Variants in LYST observed in about 807,000 individuals in gnomAD.
LYST encodes lysosomal-trafficking regulator.
Under a neutral mutation model 413.6 loss-of-function variants are expected in LYST, and 192 were observed. The observed-to-expected ratio is 0.46, with a 90% CI of 0.41 to 0.52. LYST has a LOEUF of 0.52. Ranked by LOEUF, LYST falls within the 20% of genes least tolerant of loss-of-function variation. The pLI is 0.00. For missense variants in LYST, 3,815 were observed against 4,499.9 expected, an observed-to-expected ratio of 0.85 and a Z score of 4.35; for synonymous variants, 1,525 against 1,567.3, an observed-to-expected ratio of 0.97 and a Z score of 0.64.
At chr1:235,862,382 A>G (rs1464013386) in intron 1 of LYST, among the ~76,000 whole-genome samples, 1 of 152,194 alleles carries the variant, frequency 6.6e-6, no homozygotes, top group African/African-American at 2.4e-5. Context: ...TCCAGAAATA[A>G]TTCATAATTT....
At chr1:235,696,619 T>G (rs1661122280) in intron 46 of LYST, among the ~76,000 whole-genome samples, 1 of 152,216 alleles carries the variant, frequency 6.6e-6, no homozygotes, top group South Asian at 2.1e-4. Context: ...ACATGTTGCT[T>G]TTAGTGAGTC....
At chr1:235,821,924 C>T (rs1674790024) in intron 3 of LYST, among the ~76,000 whole-genome samples, 1 of 152,196 alleles carries the variant, frequency 6.6e-6, no homozygotes, top group African/African-American at 2.4e-5. Flanking sequence ...TACACCCTAT[C>T]ACCTAGACAA....
At chr1:235,762,191 A>G (rs188108477) in intron 22 of LYST, among the ~76,000 whole-genome samples, 128 of 152,326 alleles carry the variant, frequency 8.4e-4, no homozygotes, top group African/African-American at 2.9e-3. Context: ...ACAGTATTTG[A>G]AAATGTTTCA....
intron 47 of LYST, among the ~76,000 whole-genome samples, chr1:235,693,040 G>C (rs1414055815): frequency 1.3e-5 from 2 of 149,782 alleles, no homozygotes; most frequent in South Asian, 2.1e-4. Context: ...AGTTGGCCAG[G>C]TGTGGTGGCT....
intron 44 of LYST, among the ~76,000 whole-genome samples, chr1:235,704,500 T>C (rs981252153): frequency 6.6e-6 from 1 of 152,230 alleles, no homozygotes; most frequent in African/African-American, 2.4e-5. Flanking sequence ...ATTTTTCTAT[T>C]GATCAGTGAT....
intron 20 of LYST, among the ~76,000 whole-genome samples, chr1:235,769,001 C>G (rs1668402516): frequency 6.6e-6 from 1 of 151,754 alleles, no homozygotes; most frequent in Non-Finnish European, 1.5e-5. Flanking sequence ...CAAGTACTGA[C>G]ATTACAGTGT....
chr1:235,666,763 A>G (rs1015073976), intron 50 of LYST, among the ~76,000 whole-genome samples: 8 of 152,200 alleles, frequency 5.3e-5, no homozygotes, highest in African/African-American at 1.9e-4. Flanking sequence ...TGAGTAGGCT[A>G]CATTTCAACC....
intron 1 of LYST, among the ~76,000 whole-genome samples, chr1:235,848,535 C>G (rs1262522647): frequency 6.6e-6 from 1 of 151,696 alleles, no homozygotes; most frequent in Non-Finnish European, 1.5e-5. Context: ...CAGAGCAAAA[C>G]TAAATGAAAT....
At chr1:235,788,927 C>A (rs1299322135) in intron 12 of LYST, 82 bp from the exon 13 acceptor site, 9 of 1,300,790 alleles carry the variant, frequency 6.9e-6, no homozygotes, top group Non-Finnish European at 1.0e-5. Context: ...GAATACAAAG[C>A]AAATTTGTTC....
chr1:235,774,042 G>A (rs773224782), intron 18 of LYST, 51 bp from the exon 19 acceptor site: 4 of 1,250,892 alleles, frequency 3.2e-6, no homozygotes, highest in African/African-American at 1.5e-5. Context: ...GGTTAATCAG[G>A]AAGTTCAACA....
intron 48 of LYST, among the ~76,000 whole-genome samples, chr1:235,682,581 G>A (rs1384777363): frequency 6.6e-6 from 1 of 152,174 alleles, no homozygotes; most frequent in African/African-American, 2.4e-5. Context: ...CTTAGAATAA[G>A]ATCATCCTCA....
chr1:235,758,534 C>T (rs1015109686), intron 23 of LYST, among the ~76,000 whole-genome samples: 3 of 152,208 alleles, frequency 2.0e-5, no homozygotes, highest in African/African-American at 7.2e-5. Flanking sequence ...ACCTGTTCCT[C>T]TTCCCTTCTG....
chr1:235,827,435 C>T, intron 3 of LYST: 1 of 984,254 alleles, frequency 1.0e-6, no homozygotes, highest in Non-Finnish European at 1.2e-6. Context: ...CTTAAATCAC[C>T]CCAGAGTACT....
rs1360155759 is a variant in LYST, at chr1:235,744,093, T to C, written c.8037A>G (p.Ser2679=). The C allele has an allele frequency of 8.8e-6, 14 of 1,599,488 alleles. No individual in the cohort carries two copies. Among genetic ancestry groups the C allele is most frequent in the African/African-American group, 1.3e-5 (1 of 74,596 alleles). Residue 2679 remains serine, a synonymous_variant, in exon 30 of 53, where the codon TCA becomes TCG. Transcript: ENST00000389793. The stretch of plus-strand genomic sequence containing the variant: ...CCTCAGAAATTTCGGTCTGGAAAAC[T>C]GAGGTCTTGCTTTGAGTTACATTTT... ...TPENVTQSKT[S]VFQTEISEEN...
intron 39 of LYST, among the ~76,000 whole-genome samples, chr1:235,722,953 G>T (rs547343092): frequency 1.3e-5 from 2 of 152,348 alleles, no homozygotes; most frequent in African/African-American, 4.8e-5. Context: ...AGGAAGGCCA[G>T]TTAGGAGGCT....
rs1282586530 is a variant in LYST at position 235,808,953 on chromosome 1, T to C, written c.1865A>G (p.Gln622Arg). The C allele has an allele frequency of 6.2e-7, 1 of 1,613,792 alleles. No individual in the cohort carries two copies. The highest frequency in any genetic ancestry group is 8.5e-7 in the Non-Finnish European group (1 of 1,179,870). The change falls in exon 5 of 53, where the codon CAG becomes CGG. Residue 622 changes from glutamine to arginine, a missense_variant. Physicochemically the swap from Gln to Arg is conservative, Grantham distance 43. Coordinates refer to ENST00000389793, the MANE Select transcript of LYST (RefSeq NM_000081.4). ...TGGTGATATCTCTGCTCCTCCTAAC[T>C]GATCCAAAATAAGTTTGTTAAGGAT... Reference protein sequence around the residue: ...LNILNKLILDQLGGAEISPKI... With the variant: ...LNILNKLILDRLGGAEISPKI...
rs1469423044 is a variant in LYST at position 235,787,105 on chromosome 1, G to C, written c.4862+95C>G. The C allele has an allele frequency of 4.3e-6, 4 of 931,740 alleles. No individual in the cohort carries two copies. The African/African-American group carries it at 6.6e-5, about 15-fold the overall frequency. 57.7% of individuals were successfully genotyped at this position (931,740 alleles called of 1,614,324 possible). The stretch of plus-strand genomic sequence containing the variant: ...TAAATTTTATTATAGTAAAAACCTA[G>C]AAGTTTCTGTATTCTGTTTCAGAAG... On this transcript the variant is annotated intron_variant, in intron 14 of 52. Transcript: ENST00000389793.
In LYST at chr1:235,753,025, A is replaced by G; in HGVS notation, c.7460+19T>C. On this transcript the variant is annotated intron_variant, in intron 26 of 52. Transcript: ENST00000389793. ...AAGTATTTATCAGATGTAATTTTAA[A>G]TAATAATTTTAAACTTACTTCTTTT... 1 of 1,270,756 alleles carries G rather than the reference A, an allele frequency of 7.9e-7. No individual in the cohort carries two copies. The highest frequency in any genetic ancestry group is 1.1e-6 in the Non-Finnish European group (1 of 875,482). The allele number at this position is 1,270,756 out of a possible 1,614,324, so 78.7% of individuals were successfully genotyped here. A position where few individuals can be genotyped will look rare whatever the true frequency, so the allele number is the denominator to read the frequency against.
At chr1:235,765,320 G>A (rs1668023314) in intron 21 of LYST, among the ~76,000 whole-genome samples, 1 of 152,074 alleles carries the variant, frequency 6.6e-6, no homozygotes, top group Non-Finnish European at 1.5e-5. Context: ...ACTATGCCCA[G>A]ATTCTGTTAT....
Sources: gnomAD v4.1 joint callset for allele counts (sites outside exome capture counted in the v4.1 genomes callset) on GRCh38, gnomAD v4.1.1 for gene constraint, MANE v1.5 for transcripts, NCBI Gene and HGNC (gene_info 2026-07-23, HGNC 2026-07-21) for gene names.